Variants in ABL2 observed in about 807,000 individuals in gnomAD.
ABL2 encodes tyrosine-protein kinase ABL2.
In ABL2, 49 loss-of-function variants were observed where a neutral mutation model predicts 107.7. That is an observed-to-expected ratio of 0.45 (90% confidence interval 0.36 to 0.58). The LOEUF (loss-of-function observed/expected upper bound fraction) is 0.58. ABL2 is among the 20% of genes least tolerant of loss of function. The pLI is 0.00. For synonymous variants in ABL2, 549 were observed against 548.6 expected (o/e 1.00, Z -0.01); for missense variants, 1,245 against 1,457.0 (o/e 0.85, Z 2.37).
In ABL2 at chr1:179,121,711, C is replaced by A; in HGVS notation, c.844G>T (p.Glu282Ter). ...YGVSPIHDKW[E>*]MERTDITMKH... ...ATGGTAATATCTGTTCGCTCCATTT[C>A]CCATTTGTCGTGGATGGGGGACACA... The change falls in exon 5 of 12, where the codon GAA becomes TAA. Residue 282 changes from glutamate (E) to a stop codon, truncating the protein, a stop_gained. Transcript: ENST00000502732. LOFTEE classifies it high-confidence loss of function. 6.2e-7 allele frequency: 1 copy of A among 1,614,090 alleles called. No individual in the cohort carries two copies. The highest frequency in any genetic ancestry group is 8.5e-7 in the Non-Finnish European group (1 of 1,180,016).
chr1:179,115,145 T>C, intron 8 of ABL2, 115 bp from the exon 9 acceptor site: 1 of 919,776 alleles, frequency 1.1e-6, no homozygotes, highest in African/African-American at 1.7e-5. Flanking sequence ...TACAACAACA[T>C]TAATATATAA....
chr1:179,125,847 T>C (rs1004652445), intron 4 of ABL2, among the ~76,000 whole-genome samples: 3 of 152,264 alleles, frequency 2.0e-5, no homozygotes, highest in African/African-American at 7.2e-5. Context: ...GCTCATGCTC[T>C]GTAGTTTATA....
At chr1:179,202,069 G>T (rs748898571) in intron 1 of ABL2, 185 of 226,162 alleles carry the variant, frequency 8.2e-4, no homozygotes, top group Middle Eastern at 2.9e-3. Flanking sequence ...TGAGGCAAAA[G>T]AAAAAAAAAG....
At chr1:179,217,870 A>ATT (rs896618965) in intron 1 of ABL2, among the ~76,000 whole-genome samples, 5 of 152,204 alleles carry the variant, frequency 3.3e-5, no homozygotes, top group Non-Finnish European at 5.9e-5. Flanking sequence ...AAATCTTTGT[A>ATT]TTATATATAT....
At chr1:179,117,049 G>T (rs746139293) in intron 8 of ABL2, 1 of 406,302 alleles carries the variant, frequency 2.5e-6, no homozygotes, top group Non-Finnish European at 4.6e-6. Context: ...TGTTGGCCAG[G>T]CTGGTCTCGA....
intron 1 of ABL2, among the ~76,000 whole-genome samples, chr1:179,167,830 ACT>A (rs1250399957): frequency 1.3e-5 from 2 of 152,080 alleles, no homozygotes; most frequent in East Asian, 3.9e-4. Flanking sequence ...AAAATACAAA[ACT>A]CTGCGGGGTG....
chr1:179,159,361 C>T (rs574770304), intron 1 of ABL2, among the ~76,000 whole-genome samples: 5 of 152,314 alleles, frequency 3.3e-5, no homozygotes, highest in Admixed American at 2.0e-4. Context: ...TGAAGATTAT[C>T]ACAGCTTGCT....
intron 1 of ABL2, among the ~76,000 whole-genome samples, chr1:179,213,835 T>C (rs796791537): frequency 2.6e-5 from 4 of 152,224 alleles, no homozygotes; most frequent in African/African-American, 9.6e-5. Flanking sequence ...TCCCAGTACA[T>C]TGGGATGCTA....
chr1:179,222,546 A>G (rs1281990016), intron 1 of ABL2, among the ~76,000 whole-genome samples: 1 of 152,006 alleles, frequency 6.6e-6, no homozygotes, highest in African/African-American at 2.4e-5. Flanking sequence ...GCGCGCCACC[A>G]TGCCCAGCTA....
chr1:179,132,506 C>A (rs1464339428), intron 2 of ABL2, among the ~76,000 whole-genome samples: 3 of 151,878 alleles, frequency 2.0e-5, no homozygotes, highest in Non-Finnish European at 4.4e-5. Flanking sequence ...GTCTCTCTTC[C>A]TCCACTTATG....
At chr1:179,189,687 A>G (rs1301191209) in intron 1 of ABL2, among the ~76,000 whole-genome samples, 2 of 152,122 alleles carry the variant, frequency 1.3e-5, no homozygotes, top group African/African-American at 2.4e-5. Context: ...ACTCAACACA[A>G]TATTTCTAAC....
rs1653297262 is a variant in ABL2 at position 179,103,813 on chromosome 1, G to A, written c.*3905C>T. Reference sequence around the variant, plus strand: ...CCACAACCATAAAGTCAAGAGACTTGAATTCTAGCCTTGGCTCCGCCACTA... The same window carrying A: ...CCACAACCATAAAGTCAAGAGACTTAAATTCTAGCCTTGGCTCCGCCACTA... On this transcript the variant is annotated 3_prime_UTR_variant, in exon 12 of 12. Coordinates refer to ENST00000502732, the MANE Select transcript of ABL2 (RefSeq NM_007314.4). 1 of 230,648 alleles carries A rather than the reference G, an allele frequency of 4.3e-6. No individual in the cohort carries two copies. The highest frequency in any genetic ancestry group is 2.2e-5 in the African/African-American group (1 of 45,294). 14.3% of individuals were successfully genotyped at this position (230,648 alleles called of 1,614,324 possible).
In ABL2 at chr1:179,105,298, A is replaced by T. The variant is rs552084007; in HGVS notation, c.*2420T>A. 55 of 231,488 alleles carry T rather than the reference A, an allele frequency of 2.4e-4. No individual in the cohort carries two copies. In the East Asian group the frequency reaches 3.1e-3, roughly 13 times the overall value. The allele number at this position is 231,488 out of a possible 1,614,324, so 14.3% of individuals were successfully genotyped here. ...TTAGTTCCAGAACTCTCAAGGGAAAATAGAGCCCTTGCTTAAAAAACAAAA... is the reference window on the plus strand; with the variant it reads ...TTAGTTCCAGAACTCTCAAGGGAAATTAGAGCCCTTGCTTAAAAAACAAAA... On this transcript the variant is annotated 3_prime_UTR_variant, in exon 12 of 12. Coordinates refer to ENST00000502732, the MANE Select transcript of ABL2 (RefSeq NM_007314.4).
At chr1:179,132,657 A>G (rs957656234) in intron 2 of ABL2, among the ~76,000 whole-genome samples, 1 of 150,528 alleles carries the variant, frequency 6.6e-6, no homozygotes, top group African/African-American at 2.5e-5. Flanking sequence ...CTCCTGCCTC[A>G]GCCTCCCAAG....
chr1:179,225,364 A>G (rs565476761), intron 1 of ABL2, among the ~76,000 whole-genome samples: 2 of 152,364 alleles, frequency 1.3e-5, no homozygotes, highest in East Asian at 1.9e-4. Context: ...CCTAACATTC[A>G]TATATGAAAT....
chr1:179,193,465 G>A (rs1038384245), intron 1 of ABL2, among the ~76,000 whole-genome samples: 1 of 151,564 alleles, frequency 6.6e-6, no homozygotes, highest in Non-Finnish European at 1.5e-5. Flanking sequence ...GTGCAATGGC[G>A]CAATCTTGAC....
intron 1 of ABL2, among the ~76,000 whole-genome samples, chr1:179,142,395 A>G (rs1422590905): frequency 1.3e-5 from 2 of 152,236 alleles, no homozygotes; most frequent in Non-Finnish European, 2.9e-5. Flanking sequence ...CAAAATAATA[A>G]AACTGAAATT....
chr1:179,219,379 G>A (rs998770139), intron 1 of ABL2, among the ~76,000 whole-genome samples: 20 of 151,718 alleles, frequency 1.3e-4, no homozygotes, highest in Non-Finnish European at 1.3e-4. Context: ...TACATCCAGA[G>A]GTAAAAATAA....
At chr1:179,215,532 G>T (rs1355360834) in intron 1 of ABL2, among the ~76,000 whole-genome samples, 1 of 152,142 alleles carries the variant, frequency 6.6e-6, no homozygotes, top group Admixed American at 6.5e-5. Flanking sequence ...CCTGGAGTTC[G>T]AAACCAGCCT....
Sources: gnomAD v4.1 joint callset for allele counts (sites outside exome capture counted in the v4.1 genomes callset) on GRCh38, gnomAD v4.1.1 for gene constraint, MANE v1.5 for transcripts, NCBI Gene and HGNC (gene_info 2026-07-23, HGNC 2026-07-21) for gene names.